MET: variants seen among roughly 807,000 people sequenced by gnomAD.
MET encodes MET proto-oncogene, receptor tyrosine kinase, also known as hepatocyte growth factor receptor.
In MET, 48 loss-of-function variants were observed where a neutral mutation model predicts 133.1. The observed-to-expected ratio is 0.36, with a 90% CI of 0.29 to 0.46. The LOEUF is 0.46. MET is among the 20% of genes least tolerant of loss of function. The pLI is 1.00. For synonymous variants in MET, 628 were observed against 616.5 expected (o/e 1.02, Z -0.28); for missense variants, 1,442 against 1,695.9 (o/e 0.85, Z 2.63).
intron 17 of MET, among the ~76,000 whole-genome samples, chr7:116,780,265 G>A (rs1475388757): frequency 2.0e-5 from 3 of 151,962 alleles, no homozygotes; most frequent in African/African-American, 7.3e-5. Context: ...CTCAAGCTCC[G>A]TCTCGGTTCC....
At chr7:116,781,953 T>C in intron 17 of MET, 35 bp from the exon 18 acceptor site, 3 of 1,273,268 alleles carry the variant, frequency 2.4e-6, no homozygotes, top group Non-Finnish European at 3.4e-6. Context: ...CAGTAGATGC[T>C]TAGTTTATGC....
intron 19 of MET, among the ~76,000 whole-genome samples, chr7:116,793,475 C>A (rs1446825274): frequency 6.6e-6 from 1 of 152,036 alleles, no homozygotes; most frequent in Non-Finnish European, 1.5e-5. Flanking sequence ...TTGTCCCGTC[C>A]TGTCTAACCC....
intron 3 of MET, among the ~76,000 whole-genome samples, chr7:116,736,342 C>T (rs1255087036): frequency 6.7e-6 from 1 of 149,870 alleles, no homozygotes; most frequent in Non-Finnish European, 1.5e-5. Context: ...AAGCATTCTA[C>T]AACCCTGTCT....
At chr7:116,731,524 T>G in intron 2 of MET, 144 bp from the exon 3 acceptor site, 1 of 782,342 alleles carries the variant, frequency 1.3e-6, no homozygotes. Context: ...CTAGAAATAT[T>G]TATGCCTATC....
chr7:116,735,639 T>A (rs1378251166), intron 3 of MET, among the ~76,000 whole-genome samples: 2 of 152,216 alleles, frequency 1.3e-5, no homozygotes, highest in Non-Finnish European at 2.9e-5. Context: ...TGAAGGAAGC[T>A]TCAACTTGAA....
intron 3 of MET, among the ~76,000 whole-genome samples, chr7:116,737,456 A>G (rs115909573): frequency 0.024 from 3,709 of 152,224 alleles, 153 homozygotes; most frequent in African/African-American, 0.085. Flanking sequence ...TTTCAATGGT[A>G]TTTACTCTGG....
chr7:116,704,174 C>A (rs1253613792), intron 2 of MET, among the ~76,000 whole-genome samples: 2 of 152,058 alleles, frequency 1.3e-5, no homozygotes, highest in East Asian at 1.9e-4. Flanking sequence ...ATGCAGATAA[C>A]AATACCTACT....
intron 15 of MET, among the ~76,000 whole-genome samples, chr7:116,775,919 C>A (rs1447406290): frequency 3.9e-5 from 6 of 152,144 alleles, no homozygotes; most frequent in African/African-American, 1.2e-4. Flanking sequence ...CTCTACAATG[C>A]ACTCCAATTT....
chr7:116,734,764 T>G (rs1042168499), intron 3 of MET, among the ~76,000 whole-genome samples: 1 of 152,190 alleles, frequency 6.6e-6, no homozygotes, highest in African/African-American at 2.4e-5. Context: ...TCTTACAGAC[T>G]GGGGAAGGAG....
chr7:116,774,947 C>T lies in MET; in HGVS notation c.3095C>T (p.Ser1032Phe), dbSNP rs1201989602. The change falls in exon 15 of 21, where the codon TCC becomes TTC. Residue 1032 changes from serine to phenylalanine, a missense_variant. By Grantham distance (155) the Ser-to-Phe change is radical. Coordinates refer to ENST00000397752, the MANE Select transcript of MET (RefSeq NM_000245.4). ...RQVQYPLTDMSPILTSGDSDI... is the reference protein window; with the variant it reads ...RQVQYPLTDMFPILTSGDSDI... ...GTGCAGTATCCTCTGACAGACATGT[C>T]CCCCATCCTAACTAGTGGGGACTCT... is the stretch of plus-strand genomic sequence containing the variant. The T allele has an allele frequency of 1.2e-6, 2 of 1,614,000 alleles. No homozygotes were observed. The highest frequency in any genetic ancestry group is 1.1e-5 in the South Asian group (1 of 91,086).
In MET at chr7:116,716,118, G is replaced by A. The variant is rs181926764; in HGVS notation, c.1201-15550G>A. Among the ~76,000 whole-genome samples the A allele has an allele frequency of 1.1e-4, 16 of 152,096 alleles. No homozygotes were observed. In the East Asian group the frequency reaches 2.5e-3, roughly 24 times the overall value. On this transcript the variant is annotated intron_variant, in intron 2 of 20. Coordinates refer to ENST00000397752, the MANE Select transcript of MET (RefSeq NM_000245.4). Reference sequence around the variant, plus strand: ...AATACAAAAATTAGCCAGGTATTGTGGCACATGCCTGTAGTCCCAGCTACT... The same window carrying A: ...AATACAAAAATTAGCCAGGTATTGTAGCACATGCCTGTAGTCCCAGCTACT...
intron 1 of MET, 25 bp from the exon 2 acceptor site, chr7:116,699,046 T>A (rs2116576827): frequency 6.2e-7 from 1 of 1,613,502 alleles, no homozygotes; most frequent in South Asian, 1.1e-5. Flanking sequence ...ACTGAACTGC[T>A]CTCGCCTTGA....
intron 1 of MET, among the ~76,000 whole-genome samples, chr7:116,681,389 A>G (rs577711272): frequency 3.3e-5 from 5 of 152,114 alleles, no homozygotes; most frequent in Non-Finnish European, 7.4e-5. Context: ...ATTATAATCT[A>G]TAAATTCCTG....
chr7:116,727,230 T>C (rs1346773991), intron 2 of MET, among the ~76,000 whole-genome samples: 2 of 152,174 alleles, frequency 1.3e-5, no homozygotes, highest in East Asian at 1.9e-4. Flanking sequence ...TGTGCAATCC[T>C]CAGAACGTTG....
chr7:116,733,335 A>G (rs1307819444), intron 3 of MET, among the ~76,000 whole-genome samples: 1 of 149,604 alleles, frequency 6.7e-6, no homozygotes, highest in Non-Finnish European at 1.5e-5. Context: ...GCCCCCTTTT[A>G]TCTTTATTTC....
chr7:116,714,900 C>T (rs1792133602), intron 2 of MET, among the ~76,000 whole-genome samples: 1 of 152,002 alleles, frequency 6.6e-6, no homozygotes, highest in African/African-American at 2.4e-5. Context: ...GATAACAGGT[C>T]CACAAATTTT....
chr7:116,731,626 T>C (rs1200005623), intron 2 of MET, 42 bp from the exon 3 acceptor site: 2 of 1,605,262 alleles, frequency 1.2e-6, no homozygotes, highest in Non-Finnish European at 1.7e-6. Context: ...AGCTTGTTCA[T>C]GTCTGGATTC....
intron 1 of MET, among the ~76,000 whole-genome samples, chr7:116,682,543 GATGA>G (rs1252670221): frequency 6.6e-6 from 1 of 152,154 alleles, no homozygotes; most frequent in Non-Finnish European, 1.5e-5. Context: ...CCATAGACCT[GATGA>G]ATTATATAAA....
intron 1 of MET, among the ~76,000 whole-genome samples, chr7:116,694,110 C>T (rs907378294): frequency 3.3e-5 from 5 of 152,176 alleles, no homozygotes; most frequent in African/African-American, 4.8e-5. Flanking sequence ...CCCAGCTCAG[C>T]GCCAAATACT....
Sources: gnomAD v4.1 joint callset for allele counts (sites outside exome capture counted in the v4.1 genomes callset) on GRCh38, gnomAD v4.1.1 for gene constraint, MANE v1.5 for transcripts, NCBI Gene and HGNC (gene_info 2026-07-23, HGNC 2026-07-21) for gene names.